Variants in UNC5C observed in about 807,000 individuals in gnomAD.
UNC5C encodes the protein unc-5 netrin receptor C.
Under a neutral mutation model 99.8 loss-of-function variants are expected in UNC5C, and 47 were observed. The observed-to-expected ratio is 0.47, with a 90% confidence interval of 0.37 to 0.60. The LOEUF (loss-of-function observed/expected upper bound fraction) is 0.60, where lower values mean the gene tolerates loss of function less well. UNC5C is among the 20% of genes least tolerant of loss of function. UNC5C has a pLI of 0.00. For missense variants in UNC5C, 1,062 were observed against 1,165.9 expected (o/e 0.91, Z 1.30); for synonymous variants, 487 against 452.2 (o/e 1.08, Z -0.98).
chr4:95,446,829 A>T (rs1747121183), intron 1 of UNC5C, among the ~76,000 whole-genome samples: 1 of 151,480 alleles, frequency 6.6e-6, no homozygotes, highest in Non-Finnish European at 1.5e-5. Flanking sequence ...GTTTTTCAAT[A>T]ATGGAGCATT....
intron 1 of UNC5C, among the ~76,000 whole-genome samples, chr4:95,466,384 A>C (rs947953831): frequency 6.6e-6 from 1 of 152,152 alleles, no homozygotes; most frequent in African/African-American, 2.4e-5. Flanking sequence ...ATGAAACTAC[A>C]TATAAACTTC....
intron 10 of UNC5C, among the ~76,000 whole-genome samples, chr4:95,210,205 G>A (rs1286777363): frequency 6.6e-6 from 1 of 152,122 alleles, no homozygotes. Context: ...GAGGAAGGAG[G>A]GGCAGTAGGT....
chr4:95,310,306 G>C (rs1742231508), intron 2 of UNC5C, among the ~76,000 whole-genome samples: 1 of 152,054 alleles, frequency 6.6e-6, no homozygotes, highest in Admixed American at 6.6e-5. Flanking sequence ...GGGTGACTGG[G>C]AAAATGTTGG....
At chr4:95,384,079 A>G (rs1222392821) in intron 1 of UNC5C, among the ~76,000 whole-genome samples, 1 of 152,214 alleles carries the variant, frequency 6.6e-6, no homozygotes, top group African/African-American at 2.4e-5. Context: ...GTGTTCAAAA[A>G]TGATTTACTC....
At chr4:95,273,062 T>C (rs1424207330) in intron 4 of UNC5C, among the ~76,000 whole-genome samples, 1 of 152,200 alleles carries the variant, frequency 6.6e-6, no homozygotes, top group Non-Finnish European at 1.5e-5. Context: ...AAAAATCTGT[T>C]CCCTGTTTAT....
intron 14 of UNC5C, among the ~76,000 whole-genome samples, chr4:95,176,729 G>A (rs1267909091): frequency 2.8e-4 from 42 of 152,342 alleles, no homozygotes; most frequent in African/African-American, 4.3e-4. Flanking sequence ...GGTGGAGCCT[G>A]CAGAGGCAGG....
intron 1 of UNC5C, among the ~76,000 whole-genome samples, chr4:95,499,383 C>T (rs1721713006): frequency 6.6e-6 from 1 of 152,130 alleles, no homozygotes; most frequent in African/African-American, 2.4e-5. Context: ...CTTTCAGCTT[C>T]ACCATGGTTA....
At chr4:95,471,167 G>T (rs976596861) in intron 1 of UNC5C, among the ~76,000 whole-genome samples, 1 of 151,984 alleles carries the variant, frequency 6.6e-6, no homozygotes, top group Non-Finnish European at 1.5e-5. Flanking sequence ...TTACTGAGAA[G>T]GCTGGAATTA....
intron 10 of UNC5C, among the ~76,000 whole-genome samples, chr4:95,214,417 A>G (rs527629156): frequency 6.6e-6 from 1 of 152,350 alleles, no homozygotes; most frequent in African/African-American, 2.4e-5. Flanking sequence ...AGTGATTTAT[A>G]GTTTCCGTTT....
intron 1 of UNC5C, among the ~76,000 whole-genome samples, chr4:95,371,415 A>C (rs1744743519): frequency 2.0e-5 from 1 of 51,080 alleles, no homozygotes. Flanking sequence ...AAAACACAGT[A>C]TATTTTGTGG....
intron 1 of UNC5C, among the ~76,000 whole-genome samples, chr4:95,513,383 T>TA (rs1459627594): frequency 6.6e-6 from 1 of 152,160 alleles, no homozygotes; most frequent in Non-Finnish European, 1.5e-5. Context: ...AATGGTTGGA[T>TA]AAACAAATAC....
intron 1 of UNC5C, among the ~76,000 whole-genome samples, chr4:95,536,838 A>G (rs1214980225): frequency 6.6e-6 from 1 of 152,218 alleles, no homozygotes; most frequent in Non-Finnish European, 1.5e-5. Context: ...CAAGTCCCTC[A>G]TGCAATATGT....
Position 95,278,312 on chromosome 4 carries a change from C to G in UNC5C, c.541G>C (p.Glu181Gln), listed in dbSNP as rs200667278. 6.2e-7 allele frequency: 1 copy of G among 1,614,074 alleles called. No individual in the cohort carries two copies. The highest frequency in any genetic ancestry group is 1.7e-5 in the Admixed American group (1 of 60,000). The change falls in exon 4 of 16, where the codon GAA becomes CAA. Residue 181 changes from glutamate to glutamine, a missense_variant. Glu to Gln is a conservative substitution (Grantham distance 29). Around this residue, in one of 3 missense-constraint regions of UNC5C, gnomAD observed 249 missense variants for 295.1 expected, o/e 0.84. Coordinates refer to ENST00000453304, the MANE Select transcript of UNC5C (RefSeq NM_003728.4). ...CGACACTGGAGTAAGACTTCCTGTTCCAAAGACACTTCCTTTCCTAGGGGT... is the reference window on the plus strand; with the variant it reads ...CGACACTGGAGTAAGACTTCCTGTTGCAAAGACACTTCCTTTCCTAGGGGT... ...QEPLGKEVSL[E>Q]QEVLLQCRPP...
intron 7 of UNC5C, among the ~76,000 whole-genome samples, chr4:95,237,885 T>C (rs1191512443): frequency 6.6e-6 from 1 of 151,938 alleles, no homozygotes; most frequent in Non-Finnish European, 1.5e-5. Flanking sequence ...CTACTAAAAA[T>C]ACAAAAATTA....
chr4:95,424,518 C>CTTTCTTTTTTTTTTTTTTTTT (rs1746411107), intron 1 of UNC5C, among the ~76,000 whole-genome samples: 39 of 67,964 alleles, frequency 5.7e-4, no homozygotes, highest in South Asian at 1.5e-3. Context: ...TTTTTCTTTT[C>CTTTCTTTTTTTTTTTTTTTTT]TTTTTTTTTT....
At chr4:95,303,334 C>A (rs1047052220) in intron 2 of UNC5C, among the ~76,000 whole-genome samples, 5 of 152,164 alleles carry the variant, frequency 3.3e-5, no homozygotes, top group African/African-American at 1.2e-4. Flanking sequence ...GCCAAGTAAT[C>A]CCAATGCATG....
chr4:95,356,358 C>T (rs1232676933), intron 1 of UNC5C, among the ~76,000 whole-genome samples: 1 of 151,970 alleles, frequency 6.6e-6, no homozygotes, highest in African/African-American at 2.4e-5. Flanking sequence ...TATTAAAAAT[C>T]TCCCTATGTA....
At chr4:95,328,947 T>C (rs1241107242) in intron 2 of UNC5C, among the ~76,000 whole-genome samples, 1 of 152,016 alleles carries the variant, frequency 6.6e-6, no homozygotes, top group Non-Finnish European at 1.5e-5. Context: ...ATGCTCCCCC[T>C]CTCGAAAGCT....
intron 1 of UNC5C, among the ~76,000 whole-genome samples, chr4:95,459,652 C>G (rs528865521): frequency 6.6e-6 from 1 of 152,238 alleles, no homozygotes; most frequent in African/African-American, 2.4e-5. Flanking sequence ...GGGCAAAAGA[C>G]TGTTTTATCA....
Sources: allele counts gnomAD v4.1 joint callset (sites outside exome capture counted in the v4.1 genomes callset), GRCh38; gene constraint gnomAD v4.1.1; regional missense constraint gnomAD v4.1.1; transcripts MANE v1.5; gene names NCBI Gene and HGNC (gene_info 2026-07-23, HGNC 2026-07-21).